The following ACTR3C variants were observed in gnomAD, a reference collection of about 807,000 sequenced individuals.
The protein encoded by ACTR3C is actin-related protein 3C.
In ACTR3C, 18 loss-of-function variants were observed where a neutral mutation model predicts 26.3. The ratio of observed to expected loss-of-function variants is 0.68; its 90% CI spans 0.47 to 1.01. The LOEUF is 1.01. Ranked by LOEUF, ACTR3C falls within the 50% of genes least tolerant of loss-of-function variation. The probability of loss-of-function intolerance (pLI) is 0.00; values close to 1 mark genes in which losing one functional copy is unlikely to be tolerated. For missense variants in ACTR3C, 184 were observed against 250.7 expected (o/e 0.73, Z 1.80); for synonymous variants, 55 against 94.5 (o/e 0.58, Z 2.42).
chr7:150,175,296 T>A, the ACTR3C span, among the ~76,000 whole-genome samples: 14 of 146,266 alleles, frequency 9.6e-5, no homozygotes, highest in Non-Finnish European at 1.9e-4. Context: ...CCCAGAATTT[T>A]CCTGGTAAAC....
the ACTR3C span, among the ~76,000 whole-genome samples, chr7:149,940,342 T>A: frequency 6.6e-6 from 1 of 152,050 alleles, no homozygotes; most frequent in African/African-American, 2.4e-5. Context: ...ATGAAGATTA[T>A]GTAGCCTGCT....
At chr7:150,041,685 A>G in the ACTR3C span, among the ~76,000 whole-genome samples, 1 of 119,220 alleles carries the variant, frequency 8.4e-6, no homozygotes, top group African/African-American at 3.3e-5. Context: ...GGAAGAGGGG[A>G]TAACTCTCAG....
the ACTR3C span, among the ~76,000 whole-genome samples, chr7:150,165,820 G>A: frequency 6.7e-6 from 1 of 149,512 alleles, no homozygotes; most frequent in Non-Finnish European, 1.5e-5. Context: ...TCGAGGACTG[G>A]TGAGGTTTGA....
At chr7:150,054,783 C>T in the ACTR3C span, among the ~76,000 whole-genome samples, 1 of 152,210 alleles carries the variant, frequency 6.6e-6, no homozygotes, top group Non-Finnish European at 1.5e-5. Flanking sequence ...GTAGGCATTT[C>T]ACTTATTCAG....
the ACTR3C span, among the ~76,000 whole-genome samples, chr7:149,889,992 A>T: frequency 6.6e-6 from 1 of 152,254 alleles, no homozygotes; most frequent in Non-Finnish European, 1.5e-5. Flanking sequence ...AGGGAAAAAA[A>T]ATCAAAGACT....
chr7:149,911,829 C>A, the ACTR3C span, among the ~76,000 whole-genome samples: 1 of 152,038 alleles, frequency 6.6e-6, no homozygotes, highest in Admixed American at 6.5e-5. Context: ...ATCCCAGCCC[C>A]ACTATTTGAC....
At chr7:150,273,710 C>T (rs1834628197) in intron 6 of ACTR3C, among the ~76,000 whole-genome samples, 1 of 151,564 alleles carries the variant, frequency 6.6e-6, no homozygotes, top group Non-Finnish European at 1.5e-5. Flanking sequence ...GTCAAACCCC[C>T]CAGACAGCAG....
chr7:149,893,702 A>G, the ACTR3C span, among the ~76,000 whole-genome samples: 4 of 152,252 alleles, frequency 2.6e-5, no homozygotes, highest in African/African-American at 9.6e-5. Context: ...TGGTCAAACT[A>G]TACCTAAATA....
At chr7:150,039,130 A>G in the ACTR3C span, among the ~76,000 whole-genome samples, 1 of 149,388 alleles carries the variant, frequency 6.7e-6, no homozygotes, top group Non-Finnish European at 1.5e-5. Context: ...CTTAGGATCA[A>G]CGATCGGGGG....
At chr7:150,177,825 G>A in the ACTR3C span, among the ~76,000 whole-genome samples, 7 of 150,612 alleles carry the variant, frequency 4.6e-5, no homozygotes, top group Non-Finnish European at 8.8e-5. Context: ...GTATGGTTGT[G>A]CAAAGTCATT....
At chr7:150,165,784 T>C in the ACTR3C span, among the ~76,000 whole-genome samples, 1 of 147,880 alleles carries the variant, frequency 6.8e-6, no homozygotes, top group African/African-American at 2.7e-5. Flanking sequence ...TCTACCTCTG[T>C]ACACCTGCTG....
the ACTR3C span, among the ~76,000 whole-genome samples, chr7:150,033,462 G>A: frequency 5.0e-4 from 76 of 152,236 alleles, no homozygotes; most frequent in Middle Eastern, 0.01. Flanking sequence ...ACCTGCCGTC[G>A]GAAGATTTGA....
intron 6 of ACTR3C, among the ~76,000 whole-genome samples, chr7:150,258,601 C>T (rs1423491210): frequency 6.6e-6 from 1 of 152,258 alleles, no homozygotes; most frequent in Non-Finnish European, 1.5e-5. Flanking sequence ...GTAGTAACCC[C>T]CTTATTGGGT....
the ACTR3C span, among the ~76,000 whole-genome samples, chr7:150,188,276 G>T: frequency 6.6e-6 from 1 of 151,930 alleles, no homozygotes; most frequent in East Asian, 1.9e-4. Flanking sequence ...CATCCATTTT[G>T]CTTCATGCAT....
intron 6 of ACTR3C, among the ~76,000 whole-genome samples, chr7:150,279,630 G>A (rs1422248057): frequency 1.3e-5 from 2 of 151,954 alleles, no homozygotes; most frequent in African/African-American, 2.4e-5. Context: ...GGCACCGCAG[G>A]CATCTGCCCA....
chr7:150,095,520 C>G, the ACTR3C span, among the ~76,000 whole-genome samples: 1 of 150,442 alleles, frequency 6.6e-6, no homozygotes, highest in Non-Finnish European at 1.5e-5. Context: ...TTCAGATAGT[C>G]TTGGCTTCTT....
the ACTR3C span, among the ~76,000 whole-genome samples, chr7:150,141,402 G>A: frequency 6.6e-6 from 1 of 152,062 alleles, no homozygotes; most frequent in Non-Finnish European, 1.5e-5. Flanking sequence ...TGAGCGCCAG[G>A]ACACCTGGGG....
At chr7:149,907,321 C>T in the ACTR3C span, among the ~76,000 whole-genome samples, 1 of 121,520 alleles carries the variant, frequency 8.2e-6, no homozygotes, top group Admixed American at 8.9e-5. Flanking sequence ...CACACATCCA[C>T]ACACTTGCAC....
the ACTR3C span, among the ~76,000 whole-genome samples, chr7:150,167,803 ACACT>A: frequency 6.6e-6 from 1 of 150,580 alleles, no homozygotes; most frequent in African/African-American, 2.5e-5. Flanking sequence ...CATACAACAA[ACACT>A]CAATAAATGC....
Sources: allele counts gnomAD v4.1 joint callset (sites outside exome capture counted in the v4.1 genomes callset), GRCh38; gene constraint gnomAD v4.1.1; transcripts MANE v1.5; gene names NCBI Gene and HGNC (gene_info 2026-07-23, HGNC 2026-07-21).